The following DOCK11 variants were observed in gnomAD, a reference collection of about 807,000 sequenced individuals.
DOCK11 encodes dedicator of cytokinesis protein 11.
DOCK11 carries 70 observed loss-of-function variants against 169.1 expected under a neutral mutation model. The ratio of observed to expected loss-of-function variants is 0.41; its 90% CI spans 0.34 to 0.51. The LOEUF is 0.51. Among genes scored for constraint, DOCK11 ranks in the 20% least tolerant of loss-of-function variants. DOCK11 has a pLI of 0.10. For missense variants in DOCK11, 1,166 were observed against 1,538.8 expected (o/e 0.76, Z 4.05); for synonymous variants, 529 against 541.3 (o/e 0.98, Z 0.32).
intron 36 of DOCK11, among the ~76,000 whole-genome samples, chrX:118,637,436 G>A (rs116178327): frequency 0.048 from 5,331 of 111,617 alleles, 263 homozygotes; most frequent in African/African-American, 0.16. Context: ...CCAATTTTTA[G>A]TGTGGAAGAA....
At chrX:118,519,497 C>T (rs776492886) in intron 1 of DOCK11, among the ~76,000 whole-genome samples, 259 of 111,975 alleles carry the variant, frequency 2.3e-3, no homozygotes, top group African/African-American at 7.4e-3. Flanking sequence ...TTGCAGTGAA[C>T]CACTGCACTC....
intron 28 of DOCK11, 123 bp downstream of exon 28, chrX:118,610,541 G>A (rs752902367): frequency 1.4e-4 from 107 of 784,379 alleles, no homozygotes; most frequent in Non-Finnish European, 1.8e-4. Context: ...GAAAACTTAG[G>A]TTGCTTACAA....
In DOCK11 at chrX:118,671,638, C is replaced by T. The variant is rs181027477; in HGVS notation, c.5199+493C>T. On this transcript the variant is annotated intron_variant, in intron 46 of 52. Transcript: ENST00000276202. Reference sequence around the variant, plus strand: ...CCAAATGAAATTAAGGGTAAAAGATCCAAAATAGAAATTGAGATTTAAATT... The same window carrying T: ...CCAAATGAAATTAAGGGTAAAAGATTCAAAATAGAAATTGAGATTTAAATT... 3.8e-3 allele frequency among the ~76,000 whole-genome samples: 420 copies of T among 111,609 alleles called. 1 individual carries two copies. Among genetic ancestry groups the T allele is most frequent in the Admixed American group, 5.8e-3 (61 of 10,533 alleles).
chrX:118,609,512 A>G (rs1231143725), intron 27 of DOCK11, among the ~76,000 whole-genome samples, 163 bp downstream of exon 27: 1 of 112,263 alleles, frequency 8.9e-6, no homozygotes, highest in African/African-American at 3.2e-5. Context: ...GGCTTTTTCA[A>G]TGTTGCTTAC....
chrX:118,613,985 T>C (rs1294088789), intron 28 of DOCK11, among the ~76,000 whole-genome samples: 1 of 111,852 alleles, frequency 8.9e-6, no homozygotes, highest in Admixed American at 9.5e-5. Flanking sequence ...TAGGGAACTA[T>C]TGGAAGCTTT....
intron 7 of DOCK11, 71 bp from the exon 8 acceptor site, chrX:118,565,928 AATAAAT>A (rs1183571697): frequency 9.9e-7 from 1 of 1,014,590 alleles, no homozygotes; most frequent in African/African-American, 1.9e-5. Context: ...CTGAGATAAA[AATAAAT>A]ATAAACTAAT....
Position 118,683,113 on chromosome X carries a change from C to T in DOCK11, c.5998C>T (p.Leu2000=), listed in dbSNP as rs1030846314. Residue 2000 remains leucine (L), a synonymous_variant, in exon 52 of 53, where the codon CTA becomes TTA. Coordinates refer to ENST00000276202, the MANE Select transcript of DOCK11 (RefSeq NM_144658.4). ...ACAAGCATGCAGCATTGCACTTGAA[C>T]TAAATGAGCGGCTAATTAAAGAAGA... ...FIQACSIALE[L]NERLIKEDQV... The T allele has an allele frequency of 5.0e-6, 6 of 1,208,182 alleles. No homozygotes were observed. The Admixed American group carries it at 8.8e-5, about 18-fold the overall frequency.
chrX:118,551,208 G>A (rs2012480887), intron 6 of DOCK11, among the ~76,000 whole-genome samples: 1 of 112,200 alleles, frequency 8.9e-6, no homozygotes, highest in Non-Finnish European at 1.9e-5. Context: ...TATTAACCAT[G>A]ACTCAGTGGC....
At chrX:118,606,990 C>T (rs1005627113) in intron 24 of DOCK11, among the ~76,000 whole-genome samples, 4 of 110,248 alleles carry the variant, frequency 3.6e-5, no homozygotes, top group Non-Finnish European at 5.7e-5. Context: ...TCCTTTTCCC[C>T]GTTGACATGC....
intron 33 of DOCK11, 25 bp from the exon 34 acceptor site, chrX:118,628,138 G>A: frequency 1.9e-6 from 2 of 1,062,932 alleles, no homozygotes; most frequent in Non-Finnish European, 2.6e-6. Context: ...TTGCCAACAA[G>A]GGCTTGACTT....
intron 1 of DOCK11, among the ~76,000 whole-genome samples, chrX:118,503,929 G>C (rs2057593213): frequency 9.0e-6 from 1 of 111,302 alleles, no homozygotes; most frequent in Non-Finnish European, 1.9e-5. Flanking sequence ...CCCTTGGGCA[G>C]ATCCCACTCT....
intron 10 of DOCK11, among the ~76,000 whole-genome samples, chrX:118,570,690 C>T (rs2013244753): frequency 8.9e-6 from 1 of 112,036 alleles, no homozygotes; most frequent in Non-Finnish European, 1.9e-5. Context: ...TGTTTCTTGT[C>T]TTGAGTTTTC....
At chrX:118,580,056 T>C in intron 13 of DOCK11, 41 bp from the exon 14 acceptor site, 1 of 1,151,156 alleles carries the variant, frequency 8.7e-7, no homozygotes, top group South Asian at 1.9e-5. Context: ...TCCATGGCAG[T>C]TTGAACAAAT....
intron 12 of DOCK11, among the ~76,000 whole-genome samples, chrX:118,575,069 TC>T (rs1208080363): frequency 4.5e-5 from 5 of 111,945 alleles, no homozygotes; most frequent in Non-Finnish European, 9.4e-5. Flanking sequence ...AAAATACTAT[TC>T]TTTTTTTCCT....
At chrX:118,647,786 A>T (rs1331840303) in intron 40 of DOCK11, among the ~76,000 whole-genome samples, 14 of 27,948 alleles carry the variant, frequency 5.0e-4, no homozygotes, top group Admixed American at 6.1e-4. Flanking sequence ...AATAATATAT[A>T]ATATATTATA....
At chrX:118,669,930 C>T (rs1042264087) in intron 45 of DOCK11, among the ~76,000 whole-genome samples, 2 of 111,369 alleles carry the variant, frequency 1.8e-5, no homozygotes, top group African/African-American at 6.5e-5. Context: ...TGGTGTTTTC[C>T]CTGTGTGTCT....
At chrX:118,614,901 C>T (rs747087179) in intron 29 of DOCK11, 126 bp downstream of exon 29, 8 of 515,506 alleles carry the variant, frequency 1.6e-5, no homozygotes, top group African/African-American at 9.6e-5. Context: ...TATAGACATA[C>T]GTAAAAGCAA....
chrX:118,632,969 T>TGGG (rs766019635), intron 35 of DOCK11: 6 of 35,823 alleles, frequency 1.7e-4, no homozygotes, highest in African/African-American at 7.6e-4. Flanking sequence ...TGGGGGGCGG[T>TGGG]GGGGGGGGGG....
chrX:118,599,704 GTA>G (rs1000470341), intron 23 of DOCK11, among the ~76,000 whole-genome samples: 39 of 112,391 alleles, frequency 3.5e-4, no homozygotes, highest in African/African-American at 1.1e-3. Flanking sequence ...CTTACCACAT[GTA>G]TAGAGGACCT....
Sources: allele counts gnomAD v4.1 joint callset (sites outside exome capture counted in the v4.1 genomes callset), GRCh38; gene constraint gnomAD v4.1.1; transcripts MANE v1.5; gene names NCBI Gene and HGNC (gene_info 2026-07-23, HGNC 2026-07-21).